Variants in TSGA10 observed in about 807,000 individuals in gnomAD.
The protein encoded by TSGA10 is testis specific 10.
TSGA10 carries 43 observed loss-of-function variants against 96.6 expected under a neutral mutation model. That is an observed-to-expected ratio of 0.44 (90% CI 0.35 to 0.57). TSGA10 has a LOEUF of 0.57. Among genes scored for constraint, TSGA10 ranks in the 20% least tolerant of loss-of-function variants. TSGA10 has a pLI of 0.01. For synonymous variants in TSGA10, 229 were observed against 269.9 expected (o/e 0.85, Z 1.48); for missense variants, 703 against 834.4 (o/e 0.84, Z 1.94).
intron 1 of TSGA10, among the ~76,000 whole-genome samples, chr2:99,129,842 G>A (rs1432321713): frequency 6.6e-6 from 1 of 152,146 alleles, no homozygotes; most frequent in Non-Finnish European, 1.5e-5. Context: ...CTGTGTCCAT[G>A]AGTTCTCACT....
intron 1 of TSGA10, among the ~76,000 whole-genome samples, chr2:99,152,083 T>C (rs1381089806): frequency 6.6e-6 from 1 of 152,192 alleles, no homozygotes; most frequent in East Asian, 1.9e-4. Context: ...AATACATAAA[T>C]CATTCATTTG....
rs1232707179 is a variant in TSGA10 at position 98,997,824 on chromosome 2, A to C, written c.*373T>G. The C allele has an allele frequency of 6.0e-6, 1 of 165,896 alleles. No individual in the cohort carries two copies. The highest frequency in any genetic ancestry group is 1.3e-5 in the Non-Finnish European group (1 of 77,374). The allele number at this position is 165,896 out of a possible 1,614,324, so 10.3% of individuals were successfully genotyped here. The stretch of plus-strand genomic sequence containing the variant: ...GAAAACACAAATCACAAAGAAAAAA[A>C]ATTAACCAACCAATTATTTGAGATA... On this transcript the variant is annotated 3_prime_UTR_variant, in exon 21 of 21. Coordinates refer to ENST00000393483, the MANE Select transcript of TSGA10 (RefSeq NM_025244.4).
At chr2:99,113,878 T>C (rs1317482408) in intron 4 of TSGA10, among the ~76,000 whole-genome samples, 3 of 152,144 alleles carry the variant, frequency 2.0e-5, no homozygotes, top group Non-Finnish European at 4.4e-5. Flanking sequence ...TGAGAAACAG[T>C]GAACCAGAAC....
intron 16 of TSGA10, among the ~76,000 whole-genome samples, chr2:99,044,940 T>C (rs372389217): frequency 1.6e-3 from 237 of 152,070 alleles, no homozygotes; most frequent in South Asian, 5.4e-3. Context: ...ACTGGGTACA[T>C]AACAAAATGA....
chr2:99,059,049 A>AAT (rs58675400), intron 16 of TSGA10, among the ~76,000 whole-genome samples: 9,730 of 136,238 alleles, frequency 0.071, 609 homozygotes, highest in African/African-American at 0.16. Context: ...AAAAAAAAAT[A>AAT]ATATATATAT....
At chr2:99,114,827 T>C (rs1224200126) in intron 4 of TSGA10, among the ~76,000 whole-genome samples, 1 of 152,196 alleles carries the variant, frequency 6.6e-6, no homozygotes, top group Non-Finnish European at 1.5e-5. Context: ...GGCATTCTCA[T>C]TGTTGGAATT....
chr2:99,147,185 G>T, intron 1 of TSGA10: 1 of 365,838 alleles, frequency 2.7e-6, no homozygotes, highest in Non-Finnish European at 4.8e-6. Flanking sequence ...TTTTCTGATA[G>T]GGATGAGGTC....
Position 99,108,877 on chromosome 2 carries a change from C to T in TSGA10, c.166G>A (p.Val56Ile), listed in dbSNP as rs376162872. The change falls in exon 7 of 21, where the codon GTT becomes ATT. Residue 56 changes from valine (V) to isoleucine (I), a missense_variant. Coordinates refer to ENST00000393483, the MANE Select transcript of TSGA10 (RefSeq NM_025244.4). ...HLAEIQGNVKVLKSERDKIFL... is the reference protein window; with the variant it reads ...HLAEIQGNVKILKSERDKIFL... Reference sequence around the variant, plus strand: ...ATCTTGTCTCTCTCAGATTTAAGAACCTTGACATTACCCTGAATTTCTGCC... The same window carrying T: ...ATCTTGTCTCTCTCAGATTTAAGAATCTTGACATTACCCTGAATTTCTGCC... 1.3e-6 allele frequency: 2 copies of T among 1,597,294 alleles called. No individual in the cohort carries two copies.
At position 99,109,007 on chromosome 2, in the gene TSGA10, G is replaced by A; in HGVS notation, c.52-16C>T. On this transcript the variant is annotated splice_polypyrimidine_tract_variant and intron_variant, in intron 6 of 20. Transcript: ENST00000393483. ...AGTTTGCACCCTATAATTATATAAGGAATTTGAAATCTTCTTTGATATATA... is the reference window on the plus strand; with the variant it reads ...AGTTTGCACCCTATAATTATATAAGAAATTTGAAATCTTCTTTGATATATA... 2 of 1,476,062 alleles carry A rather than the reference G, an allele frequency of 1.4e-6. No individual in the cohort carries two copies. Among genetic ancestry groups the A allele is most frequent in the Non-Finnish European group, 1.8e-6 (2 of 1,116,532 alleles). 91.4% of individuals were successfully genotyped at this position (1,476,062 alleles called of 1,614,324 possible). A position where few individuals can be genotyped will look rare whatever the true frequency, so the allele number is the denominator to read the frequency against.
At chr2:99,133,593 T>C (rs931755051) in intron 1 of TSGA10, among the ~76,000 whole-genome samples, 4 of 152,188 alleles carry the variant, frequency 2.6e-5, no homozygotes, top group African/African-American at 2.4e-5. Context: ...ACATTTAAGG[T>C]TAATATTGTT....
rs779330032 is a variant in TSGA10, at chr2:99,017,168, G to GA, written c.2072+1031dup. Among the ~76,000 whole-genome samples the GA allele has an allele frequency of 4.6e-5, 7 of 152,110 alleles. No individual in the cohort carries two copies. In the South Asian group the frequency reaches 6.2e-4, roughly 14 times the overall value. On this transcript the variant is annotated intron_variant, in intron 20 of 20. Coordinates refer to ENST00000393483, the MANE Select transcript of TSGA10 (RefSeq NM_025244.4). ...CCAACTACTGGGTATCTATTCAGAGGAAAAAAAGTCATTATATGAAAAAGA... is the reference window on the plus strand; with the variant it reads ...CCAACTACTGGGTATCTATTCAGAGGAAAAAAAAGTCATTATATGAAAAAGA...
chr2:99,141,594 G>A (rs1450492695), intron 1 of TSGA10: 1 of 153,116 alleles, frequency 6.5e-6, no homozygotes, highest in Non-Finnish European at 1.5e-5. Context: ...AGACGCCCGA[G>A]CCGAGCGTCC....
chr2:99,112,237 T>C (rs1169352805), intron 4 of TSGA10, among the ~76,000 whole-genome samples: 1 of 152,126 alleles, frequency 6.6e-6, no homozygotes, highest in Non-Finnish European at 1.5e-5. Context: ...GGTAAAAATC[T>C]CTGCCCTCAT....
intron 1 of TSGA10, chr2:99,142,075 C>T (rs1381017637): frequency 6.6e-6 from 1 of 152,292 alleles, no homozygotes; most frequent in Admixed American, 6.5e-5. Context: ...TCTCCACATG[C>T]CAGTCCTTTT....
At chr2:99,136,265 G>A (rs1452235135) in intron 1 of TSGA10, among the ~76,000 whole-genome samples, 1 of 152,146 alleles carries the variant, frequency 6.6e-6, no homozygotes, top group Non-Finnish European at 1.5e-5. Flanking sequence ...CTTTCAGACT[G>A]TAGCAGTCAC....
chr2:99,083,586 A>G (rs922394693), intron 10 of TSGA10, among the ~76,000 whole-genome samples: 3 of 152,212 alleles, frequency 2.0e-5, no homozygotes, highest in Non-Finnish European at 4.4e-5. Flanking sequence ...GTCCCTCACC[A>G]GGTGAATAGC....
intron 9 of TSGA10, among the ~76,000 whole-genome samples, chr2:99,104,554 A>G (rs1416510188): frequency 6.6e-6 from 1 of 151,630 alleles, no homozygotes; most frequent in African/African-American, 2.4e-5. Flanking sequence ...GGCTCACTGC[A>G]ATCTCCACCT....
chr2:99,084,849 C>A (rs980778267), intron 10 of TSGA10, among the ~76,000 whole-genome samples: 2 of 151,852 alleles, frequency 1.3e-5, no homozygotes, highest in Non-Finnish European at 2.9e-5. Context: ...ATCTCCATGG[C>A]AAAATGTGTC....
intron 1 of TSGA10, chr2:99,151,024 G>A (rs1403750866): frequency 2.2e-6 from 1 of 450,330 alleles, no homozygotes; most frequent in Non-Finnish European, 4.0e-6. Flanking sequence ...TTGCTTTAGG[G>A]TGAAAAAGCC....
Sources: gnomAD v4.1 joint callset for allele counts (sites outside exome capture counted in the v4.1 genomes callset) on GRCh38, gnomAD v4.1.1 for gene constraint, MANE v1.5 for transcripts, NCBI Gene and HGNC (gene_info 2026-07-23, HGNC 2026-07-21) for gene names.